ATP6V1E1: variants seen among roughly 807,000 people sequenced by gnomAD.
ATP6V1E1 encodes the protein V-type proton ATPase subunit E 1.
ATP6V1E1 carries 21 observed loss-of-function variants against 35.2 expected under a neutral mutation model. The ratio of observed to expected loss-of-function variants is 0.60; its 90% CI spans 0.42 to 0.86. The LOEUF is 0.86. ATP6V1E1 is among the 40% of genes least tolerant of loss of function. The probability of loss-of-function intolerance (pLI) is 0.00; values close to 1 mark genes in which losing one functional copy is unlikely to be tolerated. For missense variants in ATP6V1E1, 183 were observed against 272.6 expected (o/e 0.67, Z 2.32); for synonymous variants, 83 against 87.8 (o/e 0.95, Z 0.30).
At chr22:17,600,206 G>A (rs889817437) in intron 5 of ATP6V1E1, 111 bp from the exon 6 acceptor site, 28 of 931,556 alleles carry the variant, frequency 3.0e-5, no homozygotes, top group African/African-American at 8.3e-5. Flanking sequence ...AGGCCAAGGC[G>A]GGCGGATTGC....
chr22:17,597,490 C>T (rs1487033677), intron 7 of ATP6V1E1, among the ~76,000 whole-genome samples: 1 of 151,904 alleles, frequency 6.6e-6, no homozygotes, highest in Non-Finnish European at 1.5e-5. Context: ...AACCTAACTA[C>T]CAGGCATACA....
chr22:17,626,086 T>G (rs1211369425), intron 1 of ATP6V1E1, among the ~76,000 whole-genome samples: 1 of 151,632 alleles, frequency 6.6e-6, no homozygotes, highest in African/African-American at 2.4e-5. Context: ...GTGGGCAGAT[T>G]ACGAGGTCAG....
intron 1 of ATP6V1E1, among the ~76,000 whole-genome samples, chr22:17,628,088 C>G (rs2057930475): frequency 6.6e-6 from 1 of 151,468 alleles, no homozygotes; most frequent in African/African-American, 2.4e-5. Context: ...GGTTCAGCTT[C>G]CCGAGTAGCT....
At chr22:17,597,348 TC>T (rs1358622618) in intron 7 of ATP6V1E1, among the ~76,000 whole-genome samples, 1 of 151,794 alleles carries the variant, frequency 6.6e-6, no homozygotes, top group Non-Finnish European at 1.5e-5. Flanking sequence ...ACACTGGCTC[TC>T]CCCTTGTCAG....
chr22:17,611,681 T>G (rs752026234), intron 4 of ATP6V1E1, among the ~76,000 whole-genome samples: 4 of 152,212 alleles, frequency 2.6e-5, no homozygotes, highest in Non-Finnish European at 4.4e-5. Context: ...ACCATTCTCC[T>G]AGTCTATCCA....
At chr22:17,597,962 C>T in intron 7 of ATP6V1E1, 1 of 493,808 alleles carries the variant, frequency 2.0e-6, no homozygotes, top group Non-Finnish European at 3.7e-6. Flanking sequence ...CAGGCGTGAG[C>T]CACCGCACCT....
At chr22:17,619,765 T>C (rs1016711001) in intron 1 of ATP6V1E1, among the ~76,000 whole-genome samples, 1 of 152,196 alleles carries the variant, frequency 6.6e-6, no homozygotes, top group Non-Finnish European at 1.5e-5. Flanking sequence ...CATATTGTGC[T>C]AGGCTCTGAG....
intron 6 of ATP6V1E1, among the ~76,000 whole-genome samples, chr22:17,599,020 G>A (rs2057747721): frequency 6.6e-6 from 1 of 152,084 alleles, no homozygotes; most frequent in Non-Finnish European, 1.5e-5. Context: ...ACCCTACAGG[G>A]ACCTTGAAGG....
rs2057821786 is a variant in ATP6V1E1, at chr22:17,612,805, TACTC to T, written c.276+3_276+6del. 6.3e-7 allele frequency: 1 copy of T among 1,576,024 alleles called. No homozygotes were observed. The highest frequency in any genetic ancestry group is 8.6e-7 in the Non-Finnish European group (1 of 1,165,480). The stretch of plus-strand genomic sequence containing the variant: ...AATTTTATAACTAATAGGGGCTAAT[TACTC>T]ACTGTGATAAGGTCATCTCTTGCTC... On this transcript the variant is annotated splice_donor_5th_base_variant and intron_variant, in intron 4 of 8. Transcript: ENST00000253413.
intron 2 of ATP6V1E1, among the ~76,000 whole-genome samples, chr22:17,614,336 G>A (rs1449268939): frequency 1.1e-5 from 1 of 92,014 alleles, no homozygotes; most frequent in Non-Finnish European, 2.4e-5. Context: ...GGGAAGAAGA[G>A]GGAAACTCCA....
At chr22:17,599,475 C>T (rs2057750416) in intron 6 of ATP6V1E1, among the ~76,000 whole-genome samples, 1 of 146,508 alleles carries the variant, frequency 6.8e-6, no homozygotes, top group Admixed American at 6.9e-5. Flanking sequence ...ACTTGGGAGG[C>T]TGAGGCAGGA....
At chr22:17,611,713 T>C (rs2057816358) in intron 4 of ATP6V1E1, among the ~76,000 whole-genome samples, 1 of 152,236 alleles carries the variant, frequency 6.6e-6, no homozygotes, top group Admixed American at 6.5e-5. Flanking sequence ...CAGAATTTAG[T>C]GATGGACTTG....
chr22:17,617,320 T>C (rs1443297531), intron 2 of ATP6V1E1, among the ~76,000 whole-genome samples: 1 of 152,116 alleles, frequency 6.6e-6, no homozygotes, highest in Admixed American at 6.6e-5. Flanking sequence ...GACAGAGTCT[T>C]ACTCTGTCAC....
intron 1 of ATP6V1E1, among the ~76,000 whole-genome samples, chr22:17,627,973 A>G (rs1381232519): frequency 6.8e-6 from 1 of 147,548 alleles, no homozygotes. Flanking sequence ...AAAAGTGACA[A>G]GGCTGGTTTG....
At chr22:17,611,642 C>G (rs2057815956) in intron 4 of ATP6V1E1, among the ~76,000 whole-genome samples, 3 of 152,200 alleles carry the variant, frequency 2.0e-5, no homozygotes, top group Admixed American at 2.0e-4. Context: ...ATTTCAGCAT[C>G]TTGACTTCCC....
intron 1 of ATP6V1E1, among the ~76,000 whole-genome samples, chr22:17,620,438 C>T (rs1253087315): frequency 1.3e-5 from 2 of 151,814 alleles, no homozygotes; most frequent in East Asian, 2.0e-4. Context: ...TGAGCCACCG[C>T]GCACGGCGAG....
intron 1 of ATP6V1E1, among the ~76,000 whole-genome samples, chr22:17,626,239 T>A (rs1001807105): frequency 2.6e-4 from 34 of 131,622 alleles, no homozygotes; most frequent in Non-Finnish European, 4.6e-4. Context: ...ACCCAGGAGG[T>A]GGAGCTTGCA....
At position 17,611,088 on chromosome 22, in the gene ATP6V1E1, C is replaced by G. The variant is rs1019475388; in HGVS notation, c.276+1724G>C. Among the ~76,000 whole-genome samples the G allele has an allele frequency of 1.3e-5, 2 of 151,742 alleles. 1 individual carries two copies. Among genetic ancestry groups the G allele is most frequent in the South Asian group, 4.1e-4 (2 of 4,820 alleles). ...CTCATAGCTGACTGACTCTTAAGCC[C>G]CAAGCCCTTCTACAACAAACTACCT... On this transcript the variant is annotated intron_variant, in intron 4 of 8. Coordinates refer to ENST00000253413, the MANE Select transcript of ATP6V1E1 (RefSeq NM_001696.4).
chr22:17,627,664 A>G (rs2057921783), intron 1 of ATP6V1E1, among the ~76,000 whole-genome samples: 1 of 151,002 alleles, frequency 6.6e-6, no homozygotes, highest in Non-Finnish European at 1.5e-5. Context: ...ACTAAAAAAA[A>G]TACAAAAATT....
Sources: allele counts gnomAD v4.1 joint callset (sites outside exome capture counted in the v4.1 genomes callset), GRCh38; gene constraint gnomAD v4.1.1; transcripts MANE v1.5; gene names NCBI Gene and HGNC (gene_info 2026-07-23, HGNC 2026-07-21).